The following CHST11 variants were observed in gnomAD, a reference collection of about 807,000 sequenced individuals.
CHST11 encodes the protein carbohydrate sulfotransferase 11, also known as C4S-1.
In CHST11, 9 loss-of-function variants were observed where a neutral mutation model predicts 30.4. That is an observed-to-expected ratio of 0.30 (90% CI 0.18 to 0.52). The LOEUF is 0.52. Ranked by LOEUF, CHST11 falls within the 20% of genes least tolerant of loss-of-function variation. CHST11 has a pLI of 0.97. For synonymous variants in CHST11, 152 were observed against 187.8 expected (o/e 0.81, Z 1.56); for missense variants, 348 against 460.6 (o/e 0.76, Z 2.24).
At chr12:104,572,693 GT>G (rs1034433386) in intron 1 of CHST11, among the ~76,000 whole-genome samples, 34 of 151,906 alleles carry the variant, frequency 2.2e-4, no homozygotes, top group African/African-American at 7.3e-4. Flanking sequence ...TCTTTTGAAG[GT>G]TTTTTTGTGT....
In CHST11 at chr12:104,685,212, T is replaced by TA. The variant is rs560407825; in HGVS notation, c.205-71730dup. ...CTCCAGAAGCATTAGGTGTAAGGCC[T>TA]AAAAAAATCTTAATATATAGCCTCC... On this transcript the variant is annotated intron_variant, in intron 2 of 2. Coordinates refer to ENST00000303694, the MANE Select transcript of CHST11 (RefSeq NM_018413.6). 2.1e-3 allele frequency among the ~76,000 whole-genome samples: 325 copies of TA among 152,324 alleles called. 1 individual carries two copies. The highest frequency in any genetic ancestry group is 3.0e-3 in the Non-Finnish European group (204 of 68,034).
At chr12:104,552,747 C>G (rs769505486) in intron 1 of CHST11, 10 of 152,160 alleles carry the variant, frequency 6.6e-5, no homozygotes, top group Non-Finnish European at 1.0e-4. Context: ...AAGACAGCCT[C>G]TGAGATGATC....
chr12:104,558,580 C>T (rs932677104), intron 1 of CHST11, among the ~76,000 whole-genome samples: 2 of 145,592 alleles, frequency 1.4e-5, no homozygotes, highest in Non-Finnish European at 3.0e-5. Flanking sequence ...CTCTTGTCCC[C>T]CAGGCTGCAG....
intron 2 of CHST11, among the ~76,000 whole-genome samples, chr12:104,713,047 G>A (rs1399388730): frequency 6.6e-6 from 1 of 151,732 alleles, no homozygotes; most frequent in African/African-American, 2.4e-5. Flanking sequence ...AATTCATGCG[G>A]CTTGCAGTAA....
intron 2 of CHST11, among the ~76,000 whole-genome samples, chr12:104,716,427 C>T (rs924419458): frequency 2.0e-5 from 3 of 152,242 alleles, no homozygotes; most frequent in African/African-American, 7.2e-5. Context: ...TGATAATGTT[C>T]CTTTCCTCAT....
rs140580926 is a variant in CHST11 at position 104,634,616 on chromosome 12, A to G, written c.204+32625A>G. ...TTTGCACTTACAACTTCTTGGGGTC[A>G]TTTTACTTTATGTCAAATATATACT... On this transcript the variant is annotated intron_variant, in intron 2 of 2. Transcript: ENST00000303694. 1.4e-3 allele frequency among the ~76,000 whole-genome samples: 208 copies of G among 152,238 alleles called. 2 individuals are homozygous for G. Among genetic ancestry groups the G allele is most frequent in the African/African-American group, 4.7e-3 (194 of 41,538 alleles).
At chr12:104,655,123 T>C (rs949177818) in intron 2 of CHST11, among the ~76,000 whole-genome samples, 3 of 152,206 alleles carry the variant, frequency 2.0e-5, no homozygotes, top group African/African-American at 7.2e-5. Flanking sequence ...GGCACATTCA[T>C]GTCCAGTAAT....
intron 1 of CHST11, among the ~76,000 whole-genome samples, chr12:104,516,273 A>G (rs1400042001): frequency 6.6e-6 from 1 of 152,150 alleles, no homozygotes; most frequent in Non-Finnish European, 1.5e-5. Flanking sequence ...GTTAGTTGAG[A>G]GAGCAGAGAC....
At chr12:104,630,438 C>A (rs1301864046) in intron 2 of CHST11, among the ~76,000 whole-genome samples, 1 of 152,232 alleles carries the variant, frequency 6.6e-6, no homozygotes, top group African/African-American at 2.4e-5. Context: ...TTAGCTGTTA[C>A]AACCATAAAG....
intron 2 of CHST11, among the ~76,000 whole-genome samples, chr12:104,644,073 T>G (rs2039403827): frequency 6.6e-6 from 1 of 152,130 alleles, no homozygotes; most frequent in Non-Finnish European, 1.5e-5. Context: ...GTCCGGCCAG[T>G]TGTGGATTGG....
At chr12:104,495,681 A>G (rs986562768) in intron 1 of CHST11, among the ~76,000 whole-genome samples, 1 of 152,152 alleles carries the variant, frequency 6.6e-6, no homozygotes, top group African/African-American at 2.4e-5. Flanking sequence ...CTTAATTCTC[A>G]TTACATCTCT....
At chr12:104,745,481 A>C (rs1010165325) in intron 2 of CHST11, among the ~76,000 whole-genome samples, 1 of 152,164 alleles carries the variant, frequency 6.6e-6, no homozygotes, top group African/African-American at 2.4e-5. Flanking sequence ...GAAAAATGTC[A>C]GTGGTAGTTT....
intron 1 of CHST11, among the ~76,000 whole-genome samples, chr12:104,564,435 A>G (rs2038541386): frequency 6.6e-6 from 1 of 152,248 alleles, no homozygotes; most frequent in Non-Finnish European, 1.5e-5. Flanking sequence ...TTATCTCTAA[A>G]GTAGAGATCA....
At chr12:104,584,216 TA>T (rs2038778263) in intron 1 of CHST11, among the ~76,000 whole-genome samples, 1 of 151,722 alleles carries the variant, frequency 6.6e-6, no homozygotes. Context: ...AAAGAAAGTG[TA>T]AAAAGTACTC....
intron 1 of CHST11, among the ~76,000 whole-genome samples, chr12:104,518,633 T>G (rs530959944): frequency 6.6e-6 from 1 of 152,302 alleles, no homozygotes; most frequent in South Asian, 2.1e-4. Context: ...TAGAAAATCA[T>G]TTGTGTGTCA....
intron 2 of CHST11, among the ~76,000 whole-genome samples, chr12:104,741,209 G>A (rs1189744814): frequency 6.6e-6 from 1 of 152,212 alleles, no homozygotes; most frequent in Non-Finnish European, 1.5e-5. Flanking sequence ...TGAAGGTAAA[G>A]GTGGTGGAAA....
At chr12:104,754,218 G>A (rs1260694941) in intron 2 of CHST11, among the ~76,000 whole-genome samples, 2 of 152,196 alleles carry the variant, frequency 1.3e-5, no homozygotes, top group Non-Finnish European at 2.9e-5. Context: ...GAGGGTCTCA[G>A]CATCGTATCC....
intron 1 of CHST11, among the ~76,000 whole-genome samples, chr12:104,542,645 AGTGT>A (rs1398294117): frequency 6.6e-6 from 1 of 152,224 alleles, no homozygotes; most frequent in African/African-American, 2.4e-5. Context: ...TCCAGCACAT[AGTGT>A]GTGTTTTAGA....
intron 1 of CHST11, among the ~76,000 whole-genome samples, chr12:104,511,648 G>T (rs1463687143): frequency 6.6e-6 from 1 of 152,172 alleles, no homozygotes; most frequent in Non-Finnish European, 1.5e-5. Context: ...GAGTTTTCTG[G>T]TCAATGGAAG....
Sources: gnomAD v4.1 joint callset for allele counts (sites outside exome capture counted in the v4.1 genomes callset) on GRCh38, gnomAD v4.1.1 for gene constraint, MANE v1.5 for transcripts, NCBI Gene and HGNC (gene_info 2026-07-23, HGNC 2026-07-21) for gene names.